Variants in NAV3 observed in about 807,000 individuals in gnomAD.
The protein encoded by NAV3 is pore membrane and/or filament interacting like protein 1.
A neutral mutation model predicts 244.7 loss-of-function variants in NAV3; 87 were observed. The ratio of observed to expected loss-of-function variants is 0.36; its 90% CI spans 0.30 to 0.42. The LOEUF is 0.42. NAV3 is among the 20% of genes least tolerant of loss of function. The pLI is 1.00. For missense variants in NAV3, 2,663 were observed against 2,893.3 expected (o/e 0.92, Z 1.83); for synonymous variants, 1,126 against 1,042.2 (o/e 1.08, Z -1.55).
At chr12:77,938,928 T>A (rs1889591867) in intron 1 of NAV3, among the ~76,000 whole-genome samples, 1 of 123,162 alleles carries the variant, frequency 8.1e-6, no homozygotes, top group African/African-American at 3.6e-5. Flanking sequence ...TAAAATGTGA[T>A]CTCGTGTGTG....
intron 1 of NAV3, among the ~76,000 whole-genome samples, chr12:77,917,672 A>G (rs970652674): frequency 6.6e-6 from 1 of 151,958 alleles, no homozygotes; most frequent in African/African-American, 2.4e-5. Context: ...CTATGAATGG[A>G]ACTAATGGAA....
intron 1 of NAV3, among the ~76,000 whole-genome samples, chr12:77,938,931 C>CGTGTGTGTGTGTGTGTGTGT (rs35392593): frequency 7.0e-6 from 1 of 142,502 alleles, no homozygotes; most frequent in Non-Finnish European, 1.5e-5. Flanking sequence ...AATGTGATCT[C>CGTGTGTGTGTGTGTGTGTGT]GTGTGTGTGT....
At chr12:77,691,969 G>T (rs1298724007) in intron 2 of NAV3, among the ~76,000 whole-genome samples, 1 of 151,898 alleles carries the variant, frequency 6.6e-6, no homozygotes, top group East Asian at 1.9e-4. Flanking sequence ...TTTAAAGGTA[G>T]AGACTATACT....
chr12:77,718,414 A>G (rs1323622897), intron 2 of NAV3, among the ~76,000 whole-genome samples: 2 of 152,150 alleles, frequency 1.3e-5, no homozygotes, highest in Admixed American at 6.5e-5. Context: ...TGGCCTCTCT[A>G]TTCTGCTCCA....
intron 2 of NAV3, among the ~76,000 whole-genome samples, chr12:77,732,677 A>G (rs1188588324): frequency 3.3e-5 from 5 of 152,042 alleles, no homozygotes; most frequent in Non-Finnish European, 7.4e-5. Context: ...AATGGTAACA[A>G]TGAGGCACAT....
intron 2 of NAV3, among the ~76,000 whole-genome samples, chr12:77,638,109 G>T (rs759368913): frequency 6.7e-6 from 1 of 149,424 alleles, no homozygotes; most frequent in South Asian, 2.1e-4. Flanking sequence ...ATCATTAATT[G>T]AGAAACATAG....
At chr12:77,582,264 A>G (rs374953332) in intron 2 of NAV3, among the ~76,000 whole-genome samples, 1 of 152,232 alleles carries the variant, frequency 6.6e-6, no homozygotes, top group African/African-American at 2.4e-5. Flanking sequence ...ATTAATCTAC[A>G]AAGCCTTTCT....
At chr12:78,041,766 C>A (rs1880899008) in intron 9 of NAV3, among the ~76,000 whole-genome samples, 1 of 152,084 alleles carries the variant, frequency 6.6e-6, no homozygotes, top group East Asian at 1.9e-4. Flanking sequence ...GTTAAAGGGG[C>A]ACATTTGTTA....
At chr12:77,706,282 G>C (rs1875795078) in intron 2 of NAV3, among the ~76,000 whole-genome samples, 2 of 151,330 alleles carry the variant, frequency 1.3e-5, no homozygotes, top group Admixed American at 1.3e-4. Flanking sequence ...AAAAAATAAT[G>C]CTATAATGTT....
intron 1 of NAV3, among the ~76,000 whole-genome samples, chr12:77,875,914 A>G (rs904371226): frequency 6.6e-6 from 1 of 152,050 alleles, no homozygotes; most frequent in Admixed American, 6.6e-5. Context: ...AGTCTCCTGA[A>G]GAAAAATACA....
chr12:78,147,304 ATAGCT>A, intron 21 of NAV3, among the ~76,000 whole-genome samples: 1 of 152,224 alleles, frequency 6.6e-6, no homozygotes, highest in Middle Eastern at 3.4e-3. Context: ...TGATCATAGT[ATAGCT>A]ACTGAAGCAT....
chr12:77,912,300 G>C (rs1886676041), intron 1 of NAV3, among the ~76,000 whole-genome samples: 1 of 152,066 alleles, frequency 6.6e-6, no homozygotes, highest in African/African-American at 2.4e-5. Flanking sequence ...CAGAGAAAAT[G>C]ACATGTAACT....
chr12:77,957,984 CA>C (rs1457148607), intron 3 of NAV3, among the ~76,000 whole-genome samples: 1 of 152,132 alleles, frequency 6.6e-6, no homozygotes, highest in Non-Finnish European at 1.5e-5. Context: ...GTTTCTAATA[CA>C]CACTCTATGG....
intron 12 of NAV3, among the ~76,000 whole-genome samples, chr12:78,078,042 GA>G (rs1382863824): frequency 7.1e-6 from 1 of 140,244 alleles, no homozygotes; most frequent in Non-Finnish European, 1.5e-5. Context: ...ACGAGTGAGG[GA>G]TCCTGTCTCC....
intron 2 of NAV3, among the ~76,000 whole-genome samples, chr12:77,681,356 A>G (rs538302143): frequency 6.6e-6 from 1 of 152,330 alleles, no homozygotes; most frequent in Admixed American, 6.5e-5. Context: ...GTGTGTAGTA[A>G]TTCTCCAATA....
intron 8 of NAV3, among the ~76,000 whole-genome samples, chr12:78,011,687 C>G (rs1875302630): frequency 6.6e-6 from 1 of 152,108 alleles, no homozygotes; most frequent in Non-Finnish European, 1.5e-5. Context: ...GCTATAGACA[C>G]TAATGGTTAG....
rs549563445 is a variant in NAV3 at position 77,931,904 on chromosome 12, G to T, written c.244-8415G>T. On this transcript the variant is annotated intron_variant, in intron 1 of 39. Coordinates refer to ENST00000397909, the MANE Select transcript of NAV3 (RefSeq NM_001024383.2). ...TAATCTACTTGGAAGCTATTTGTGC[G>T]TGTGTGTTTGTGTGTGTGTGTGTGT... 6.8e-3 allele frequency among the ~76,000 whole-genome samples: 270 copies of T among 39,722 alleles called. 3 individuals are homozygous for T. The highest frequency in any genetic ancestry group is 0.042 in the African/African-American group (260 of 6,264). The allele number at this position is 39,722 out of a possible 152,430, so 26.1% of individuals were successfully genotyped here.
chr12:78,209,298 T>A (rs1023536481), intron 39 of NAV3, among the ~76,000 whole-genome samples: 5 of 152,136 alleles, frequency 3.3e-5, no homozygotes, highest in Non-Finnish European at 7.4e-5. Flanking sequence ...ATGCATAGCT[T>A]AACATATGAC....
chr12:77,801,462 GT>G (rs1871699767), intron 2 of NAV3, among the ~76,000 whole-genome samples: 2 of 151,736 alleles, frequency 1.3e-5, no homozygotes, highest in African/African-American at 4.8e-5. Context: ...GGGAGTTTTT[GT>G]TTTTTTCCAT....
Sources: gnomAD v4.1 joint callset for allele counts (sites outside exome capture counted in the v4.1 genomes callset) on GRCh38, gnomAD v4.1.1 for gene constraint, MANE v1.5 for transcripts, NCBI Gene and HGNC (gene_info 2026-07-23, HGNC 2026-07-21) for gene names.